The following TFCP2L1 variants were observed in gnomAD, a reference collection of about 807,000 sequenced individuals.
TFCP2L1 encodes the protein transcription factor CP2 like 1, also known as transcription factor CP2-like protein 1.
TFCP2L1 carries 12 observed loss-of-function variants against 72.2 expected under a neutral mutation model. The observed-to-expected ratio is 0.17, with a 90% CI of 0.11 to 0.27. The LOEUF is 0.27. Ranked by LOEUF, TFCP2L1 falls within the 10% of genes least tolerant of loss-of-function variation. The probability of loss-of-function intolerance (pLI) is 1.00; values close to 1 mark genes in which losing one functional copy is unlikely to be tolerated. For synonymous variants in TFCP2L1, 260 were observed against 251.0 expected (o/e 1.04, Z -0.34); for missense variants, 488 against 624.6 (o/e 0.78, Z 2.33).
At chr2:121,226,970 C>T (rs1686042703) in intron 13 of TFCP2L1, among the ~76,000 whole-genome samples, 1 of 152,226 alleles carries the variant, frequency 6.6e-6, no homozygotes, top group Admixed American at 6.5e-5. Flanking sequence ...TAACACCAAA[C>T]TCCTACCAGC....
intron 6 of TFCP2L1, among the ~76,000 whole-genome samples, chr2:121,246,151 T>G (rs1005536229): frequency 1.4e-4 from 21 of 152,178 alleles, no homozygotes; most frequent in Non-Finnish European, 1.2e-4. Flanking sequence ...ATTGCCCTCA[T>G]GCCCTGAGAA....
chr2:121,251,126 T>A (rs963134671), intron 2 of TFCP2L1, among the ~76,000 whole-genome samples: 3 of 151,752 alleles, frequency 2.0e-5, no homozygotes, highest in African/African-American at 7.3e-5. Context: ...TTTGGTGGTA[T>A]GTGATTGTCA....
chr2:121,248,878 G>C, intron 4 of TFCP2L1, 104 bp downstream of exon 4: 1 of 895,768 alleles, frequency 1.1e-6, no homozygotes, highest in Non-Finnish European at 1.6e-6. Context: ...GCAGGTGCAA[G>C]CTAAAACGCC....
intron 1 of TFCP2L1, 80 bp downstream of exon 1, chr2:121,284,968 C>T: frequency 4.7e-6 from 6 of 1,273,922 alleles, no homozygotes; most frequent in Non-Finnish European, 6.1e-6. Context: ...AGGGGCGCCC[C>T]CTCTCCGCCC....
At chr2:121,284,921 C>A (rs770365231) in intron 1 of TFCP2L1, 127 bp downstream of exon 1, 725 of 823,640 alleles carry the variant, frequency 8.8e-4, no homozygotes, top group Non-Finnish European at 1.2e-3. Context: ...GTCTCTCAGT[C>A]CCCAGAGGGC....
At chr2:121,240,951 T>C (rs775146542) in intron 7 of TFCP2L1, among the ~76,000 whole-genome samples, 8 of 152,160 alleles carry the variant, frequency 5.3e-5, no homozygotes. Context: ...TCCACACACA[T>C]ACACACATAC....
chr2:121,235,389 C>A, intron 10 of TFCP2L1, 78 bp from the exon 11 acceptor site: 1 of 1,431,872 alleles, frequency 7.0e-7, no homozygotes, highest in Non-Finnish European at 9.8e-7. Context: ...CTGCAGACCC[C>A]ATAGCACTGG....
At chr2:121,247,097 C>T (rs1350897294) in intron 5 of TFCP2L1, 127 bp from the exon 6 acceptor site, 4 of 1,113,448 alleles carry the variant, frequency 3.6e-6, no homozygotes, top group Non-Finnish European at 5.1e-6. Context: ...CTCGACCTCC[C>T]TGCTTTCCCT....
intron 1 of TFCP2L1, among the ~76,000 whole-genome samples, chr2:121,283,182 T>G (rs1008313544): frequency 6.6e-6 from 1 of 152,184 alleles, no homozygotes; most frequent in Admixed American, 6.5e-5. Flanking sequence ...GTTTCAAGCC[T>G]GGCATCTTTA....
intron 2 of TFCP2L1, among the ~76,000 whole-genome samples, chr2:121,255,283 G>A (rs140879579): frequency 3.5e-4 from 54 of 152,162 alleles, no homozygotes; most frequent in African/African-American, 1.0e-3. Flanking sequence ...TGTTTCCTAC[G>A]TTCTTAACAA....
intron 3 of TFCP2L1, among the ~76,000 whole-genome samples, 161 bp downstream of exon 3, chr2:121,249,410 G>C (rs142917613): frequency 6.6e-5 from 10 of 152,306 alleles, no homozygotes; most frequent in Admixed American, 6.5e-4. Context: ...ACAGGCTCCA[G>C]AGAAGCCAAA....
At position 121,281,159 on chromosome 2, in the gene TFCP2L1, C is replaced by T. The variant is rs752353544; in HGVS notation, c.175G>A (p.Val59Met). The T allele has an allele frequency of 1.2e-5, 20 of 1,613,820 alleles. No individual in the cohort carries two copies. The highest frequency in any genetic ancestry group is 3.3e-5 in the Admixed American group (2 of 60,006). The change falls in exon 2 of 15, where the codon GTG (valine) becomes ATG (methionine). Residue 59 changes from valine (V) to methionine (M), a missense_variant. By Grantham distance (21) the Val-to-Met change is conservative. Around this residue, in one of 3 missense-constraint regions of TFCP2L1, gnomAD observed 129 missense variants for 236.0 expected, o/e 0.55. Transcript: ENST00000263707. The part of the protein sequence containing the change: ...YVLCAATSPA[V>M]KLHEETLTYL... ...GTCAGCGTCTCTTCATGCAGCTTCA[C>T]GGCTGGGGACGTGGCAGCACACAAC...
intron 8 of TFCP2L1, among the ~76,000 whole-genome samples, chr2:121,238,982 C>T (rs1686307066): frequency 6.6e-6 from 1 of 152,118 alleles, no homozygotes; most frequent in Admixed American, 6.5e-5. Flanking sequence ...ACAGGGCATG[C>T]AGAGCCATCA....
chr2:121,238,619 C>T (rs548593413), intron 8 of TFCP2L1, among the ~76,000 whole-genome samples: 8 of 152,248 alleles, frequency 5.3e-5, no homozygotes, highest in South Asian at 2.1e-4. Context: ...TGAAGACAGC[C>T]GCCACTTCTC....
intron 2 of TFCP2L1, among the ~76,000 whole-genome samples, chr2:121,254,680 C>T (rs141397787): frequency 9.2e-5 from 14 of 152,094 alleles, no homozygotes; most frequent in Non-Finnish European, 1.5e-4. Flanking sequence ...TGCTTGTAAT[C>T]GCAGCTATTC....
intron 2 of TFCP2L1, among the ~76,000 whole-genome samples, chr2:121,278,874 C>G (rs1687200281): frequency 6.6e-6 from 1 of 151,506 alleles, no homozygotes; most frequent in Non-Finnish European, 1.5e-5. Flanking sequence ...TGTGGTAGCA[C>G]ACGCCTGAAA....
In TFCP2L1 at chr2:121,261,232, C is replaced by T. The variant is rs1347708094; in HGVS notation, c.215-11585G>A. 2.0e-5 allele frequency among the ~76,000 whole-genome samples: 3 copies of T among 152,312 alleles called. No individual in the cohort carries two copies. The East Asian group carries it at 5.8e-4, about 29-fold the overall frequency. ...GGCAGGGCATTTGACCTTCTTTTTG[C>T]AGCTGCTTATGAATGCCACAGGCTA... On this transcript the variant is annotated intron_variant, in intron 2 of 14. Coordinates refer to ENST00000263707, the MANE Select transcript of TFCP2L1 (RefSeq NM_014553.3).
rs1258949962 is a variant in TFCP2L1 at position 121,248,904 on chromosome 2, C to T, written c.397+78G>A. The T allele has an allele frequency of 3.5e-5, 42 of 1,191,958 alleles. 1 individual carries two copies. In the South Asian group the frequency reaches 3.6e-4, roughly 10 times the overall value. The allele number at this position is 1,191,958 out of a possible 1,614,324, so 73.8% of individuals were successfully genotyped here. ...CTAAAACGCCTTCTCGGCATAGGTC[C>T]GGGTGGCATCCAGGAAGAACCCAAT... On this transcript the variant is annotated intron_variant, in intron 4 of 14. Transcript: ENST00000263707.
intron 12 of TFCP2L1, among the ~76,000 whole-genome samples, chr2:121,233,490 G>C (rs1043673138): frequency 1.3e-5 from 2 of 152,184 alleles, no homozygotes; most frequent in Non-Finnish European, 2.9e-5. Context: ...TAGAGATTTG[G>C]TCTTGGTATA....
Sources: gnomAD v4.1 joint callset for allele counts (sites outside exome capture counted in the v4.1 genomes callset) on GRCh38, gnomAD v4.1.1 for gene constraint, gnomAD v4.1.1 regional missense constraint, MANE v1.5 for transcripts, NCBI Gene and HGNC (gene_info 2026-07-23, HGNC 2026-07-21) for gene names.